Variants in PUM2 observed in about 807,000 individuals in gnomAD.
PUM2 encodes the protein pumilio RNA binding family member 2, also known as pumilio homolog 2.
A neutral mutation model predicts 124.5 loss-of-function variants in PUM2; 57 were observed. That is an observed-to-expected ratio of 0.46 (90% CI 0.37 to 0.57). The LOEUF (loss-of-function observed/expected upper bound fraction) is 0.57. Ranked by LOEUF, PUM2 falls within the 20% of genes least tolerant of loss-of-function variation. PUM2 has a pLI of 0.00. For synonymous variants in PUM2, 460 were observed against 446.1 expected (o/e 1.03, Z -0.39); for missense variants, 1,065 against 1,290.6 (o/e 0.83, Z 2.68).
rs949437167 is a variant in PUM2 at position 20,294,609 on chromosome 2, C to T, written c.1010-91G>A. On this transcript the variant is annotated intron_variant, in intron 8 of 20. Transcript: ENST00000361078. ...CCTATCATCAGATTATAAAAGGGGGCAGGAAGAAGACTTAGAGAAGAACAT... is the reference window on the plus strand; with the variant it reads ...CCTATCATCAGATTATAAAAGGGGGTAGGAAGAAGACTTAGAGAAGAACAT... 3 of 1,363,024 alleles carry T rather than the reference C, an allele frequency of 2.2e-6. No individual in the cohort carries two copies. In the South Asian group the frequency reaches 4.7e-5, roughly 21 times the overall value. The allele number at this position is 1,363,024 out of a possible 1,614,324, so 84.4% of individuals were successfully genotyped here. A position where few individuals can be genotyped will look rare whatever the true frequency, so the allele number is the denominator to read the frequency against.
Position 20,290,645 on chromosome 2 carries a change from T to C in PUM2, c.1291+7A>G, listed in dbSNP as rs369057622. On this transcript the variant is annotated splice_region_variant and intron_variant, in intron 10 of 20. Coordinates refer to ENST00000361078, the MANE Select transcript of PUM2 (RefSeq NM_015317.5). ...ATTCAAATTTCCACAAATGACCAATTGTATACCTGGCATGCCAGTAGCAAG... is the reference window on the plus strand; with the variant it reads ...ATTCAAATTTCCACAAATGACCAATCGTATACCTGGCATGCCAGTAGCAAG... 15 of 1,604,648 alleles carry C rather than the reference T, an allele frequency of 9.3e-6. No individual in the cohort carries two copies. In the African/African-American group the frequency reaches 1.5e-4, roughly 16 times the overall value.
chr2:20,287,610 T>C (rs1441497924), intron 10 of PUM2, among the ~76,000 whole-genome samples: 2 of 152,124 alleles, frequency 1.3e-5, no homozygotes, highest in African/African-American at 4.8e-5. Flanking sequence ...ATGAAGGAAG[T>C]TGAGAGATTT....
chr2:20,320,764 A>T (rs1682130690), intron 2 of PUM2, among the ~76,000 whole-genome samples: 1 of 152,146 alleles, frequency 6.6e-6, no homozygotes, highest in African/African-American at 2.4e-5. Flanking sequence ...GATTCACGTA[A>T]ATATTCAACA....
chr2:20,257,665 A>C (rs1423340374), intron 16 of PUM2, among the ~76,000 whole-genome samples: 3 of 152,198 alleles, frequency 2.0e-5, no homozygotes, highest in Non-Finnish European at 1.5e-5. Context: ...ATTTCAAATG[A>C]TTTTAAGCAT....
intron 1 of PUM2, among the ~76,000 whole-genome samples, chr2:20,342,604 T>C (rs536364284): frequency 1.3e-5 from 2 of 152,334 alleles, no homozygotes; most frequent in African/African-American, 2.4e-5. Context: ...CTGGGTAGAA[T>C]AGAGATTTAA....
chr2:20,289,906 A>G (rs887342667), intron 10 of PUM2, among the ~76,000 whole-genome samples: 1 of 152,204 alleles, frequency 6.6e-6, no homozygotes, highest in Non-Finnish European at 1.5e-5. Context: ...TGATATACCA[A>G]AAGTGAAAAA....
At position 20,282,942 on chromosome 2, in the gene PUM2, C is replaced by T. The variant is rs901454384; in HGVS notation, c.1720+5G>A. ...AGAGTACACTCATCGTAAAAACAAA[C>T]TTACCTGATGAACCAAATCCACTGA... is the stretch of plus-strand genomic sequence containing the variant. On this transcript the variant is annotated splice_donor_5th_base_variant and intron_variant, in intron 12 of 20. Coordinates refer to ENST00000361078, the MANE Select transcript of PUM2 (RefSeq NM_015317.5). 6.2e-7 allele frequency: 1 copy of T among 1,611,864 alleles called. No individual in the cohort carries two copies.
chr2:20,257,760 T>C (rs1665164438), intron 16 of PUM2, among the ~76,000 whole-genome samples: 2 of 152,184 alleles, frequency 1.3e-5, no homozygotes, highest in African/African-American at 4.8e-5. Context: ...TTAATTTACG[T>C]GTTCTTGTTT....
At chr2:20,276,082 ATATAT>A (rs1307582438) in intron 13 of PUM2, among the ~76,000 whole-genome samples, 1 of 152,012 alleles carries the variant, frequency 6.6e-6, no homozygotes, top group East Asian at 1.9e-4. Flanking sequence ...TCTAACTTTA[ATATAT>A]TAGAATAAGC....
chr2:20,347,473 A>T (rs975199098), intron 1 of PUM2, among the ~76,000 whole-genome samples: 1 of 152,240 alleles, frequency 6.6e-6, no homozygotes, highest in Non-Finnish European at 1.5e-5. Flanking sequence ...ATAATTCTAT[A>T]CAGCGTTTCA....
chr2:20,253,734 T>C (rs1340626844), intron 20 of PUM2, 88 bp downstream of exon 20: 4 of 1,207,070 alleles, frequency 3.3e-6, no homozygotes, highest in Non-Finnish European at 3.4e-6. Flanking sequence ...AGTTATAACA[T>C]ACGGGAGGAA....
chr2:20,325,257 C>T (rs1236454575), intron 2 of PUM2, among the ~76,000 whole-genome samples: 1 of 152,172 alleles, frequency 6.6e-6, no homozygotes, highest in Non-Finnish European at 1.5e-5. Context: ...CTAATGAGAG[C>T]ATCTTAAAAT....
intron 10 of PUM2, among the ~76,000 whole-genome samples, chr2:20,284,945 C>T (rs1418707879): frequency 6.6e-6 from 1 of 152,206 alleles, no homozygotes; most frequent in Non-Finnish European, 1.5e-5. Flanking sequence ...TCAAACTGTA[C>T]ATGCCAGTCA....
At position 20,349,505 on chromosome 2, in the gene PUM2, A is replaced by T. The variant is rs567277332; in HGVS notation, c.-19+1092T>A. Among the ~76,000 whole-genome samples the T allele has an allele frequency of 1.9e-3, 286 of 151,954 alleles. 2 individuals carry two copies. The highest frequency in any genetic ancestry group is 6.6e-3 in the African/African-American group (273 of 41,452). On this transcript the variant is annotated intron_variant, in intron 1 of 20. Coordinates refer to ENST00000361078, the MANE Select transcript of PUM2 (RefSeq NM_015317.5). Reference sequence around the variant, plus strand: ...AGGCTAGGAAGAGAAACAAGTTGAAAATACTCATTTTTGTTTTTTTTTTTT... The same window carrying T: ...AGGCTAGGAAGAGAAACAAGTTGAATATACTCATTTTTGTTTTTTTTTTTT...
chr2:20,282,906 T>C (rs199767698), intron 12 of PUM2, 41 bp downstream of exon 12: 24 of 1,577,548 alleles, frequency 1.5e-5, no homozygotes, highest in Non-Finnish European at 2.1e-5. Context: ...CATATACCTC[T>C]TCCACTTAGC....
chr2:20,252,243 A>C (rs1380212029), intron 20 of PUM2, among the ~76,000 whole-genome samples: 4 of 152,186 alleles, frequency 2.6e-5, no homozygotes, highest in Admixed American at 2.6e-4. Context: ...ACATAGCGAG[A>C]CCGCATCTCT....
At chr2:20,285,309 G>A in intron 10 of PUM2, among the ~76,000 whole-genome samples, 1 of 152,082 alleles carries the variant, frequency 6.6e-6, no homozygotes, top group Middle Eastern at 3.2e-3. Context: ...TCCCATGTCT[G>A]TAACACATTC....
chr2:20,282,524 A>C (rs1359626458), intron 12 of PUM2, among the ~76,000 whole-genome samples: 1 of 152,230 alleles, frequency 6.6e-6, no homozygotes, highest in African/African-American at 2.4e-5. Context: ...AGCATTTAAT[A>C]AGAATAAACC....
At position 20,249,851 on chromosome 2, in the gene PUM2, A is replaced by G. The variant is rs1193914296; in HGVS notation, c.*1734T>C. 6.6e-6 allele frequency: 1 copy of G among 152,612 alleles called. No homozygotes were observed. The highest frequency in any genetic ancestry group is 1.5e-5 in the Non-Finnish European group (1 of 68,030). The allele number at this position is 152,612 out of a possible 1,614,324, so 9.5% of individuals were successfully genotyped here. On this transcript the variant is annotated 3_prime_UTR_variant, in exon 21 of 21. Transcript: ENST00000361078. Reference sequence around the variant, plus strand: ...TACACAGCAAGTTTTTTTCCAAAATATTTTCATAGGCAAAGGATTAAAAAC... The same window carrying G: ...TACACAGCAAGTTTTTTTCCAAAATGTTTTCATAGGCAAAGGATTAAAAAC...
Sources: gnomAD v4.1 joint callset for allele counts (sites outside exome capture counted in the v4.1 genomes callset) on GRCh38, gnomAD v4.1.1 for gene constraint, MANE v1.5 for transcripts, NCBI Gene and HGNC (gene_info 2026-07-23, HGNC 2026-07-21) for gene names.